The following EYS variants were observed in gnomAD, a reference collection of about 807,000 sequenced individuals.
EYS encodes the protein protein eyes shut homolog.
A neutral mutation model predicts 282.1 loss-of-function variants in EYS; 250 were observed. The observed-to-expected ratio is 0.89, with a 90% CI of 0.80 to 0.98. EYS has a LOEUF of 0.98. Among genes scored for constraint, EYS ranks in the 50% least tolerant of loss-of-function variants. The probability of loss-of-function intolerance (pLI) is 0.00; values close to 1 mark genes in which losing one functional copy is unlikely to be tolerated. For synonymous variants in EYS, 1,355 were observed against 1,282.9 expected, an observed-to-expected ratio of 1.06 and a Z score of -1.20; for missense variants, 4,016 against 3,709.0, an observed-to-expected ratio of 1.08 and a Z score of -2.15.
chr6:64,903,694 C>T (rs1179958776), intron 16 of EYS, among the ~76,000 whole-genome samples: 2 of 152,122 alleles, frequency 1.3e-5, no homozygotes, highest in Non-Finnish European at 2.9e-5. Flanking sequence ...AAAATTCCCT[C>T]GGTATTTTCT....
chr6:65,694,610 T>C (rs1260643002), intron 1 of EYS, among the ~76,000 whole-genome samples: 1 of 149,876 alleles, frequency 6.7e-6, no homozygotes, highest in Non-Finnish European at 1.5e-5. Context: ...CAGTGTACTT[T>C]CTGGGGTCAG....
intron 31 of EYS, among the ~76,000 whole-genome samples, chr6:64,083,278 C>T (rs564786461): frequency 7.2e-5 from 11 of 152,170 alleles, no homozygotes; most frequent in South Asian, 2.1e-4. Context: ...TTAGTATTTC[C>T]GATTATTTTT....
At chr6:64,261,010 CAT>C (rs1767570693) in intron 30 of EYS, among the ~76,000 whole-genome samples, 1 of 151,468 alleles carries the variant, frequency 6.6e-6, no homozygotes, top group East Asian at 2.0e-4. Flanking sequence ...CAGCACTTAT[CAT>C]TTTTTTGTGT....
chr6:63,992,410 A>T (rs1414781313), intron 34 of EYS, among the ~76,000 whole-genome samples: 1 of 151,788 alleles, frequency 6.6e-6, no homozygotes, highest in Non-Finnish European at 1.5e-5. Flanking sequence ...TTAGAAATTA[A>T]GGGCAAAAGT....
chr6:64,950,798 CATATAT>C (rs1171736217), intron 14 of EYS, among the ~76,000 whole-genome samples: 1,552 of 54,252 alleles, frequency 0.029, 73 homozygotes, highest in African/African-American at 0.11. Context: ...TATACATATA[CATATAT>C]ATATATATAT....
At chr6:64,332,720 C>T (rs563227601) in intron 29 of EYS, among the ~76,000 whole-genome samples, 21 of 152,296 alleles carry the variant, frequency 1.4e-4, no homozygotes, top group African/African-American at 4.6e-4. Context: ...ACAGCTGAAG[C>T]TTAAGGAAAC....
At chr6:65,452,039 C>G (rs1378859074) in intron 5 of EYS, among the ~76,000 whole-genome samples, 1 of 151,420 alleles carries the variant, frequency 6.6e-6, no homozygotes, top group Non-Finnish European at 1.5e-5. Flanking sequence ...TTTTAATATG[C>G]TTAAATGCAA....
In EYS at chr6:65,199,942, T is replaced by C. The variant is rs144736703; in HGVS notation, c.2023+95921A>G. On this transcript the variant is annotated intron_variant, in intron 12 of 42. Transcript: ENST00000503581. The stretch of plus-strand genomic sequence containing the variant: ...TACAGAGTTTACATTGAGGATAGTA[T>C]AAATCATGGATGAGTATAAACAGAT... Among the ~76,000 whole-genome samples the C allele has an allele frequency of 1.7e-3, 259 of 152,192 alleles. 1 individual carries two copies. Among genetic ancestry groups the C allele is most frequent in the African/African-American group, 5.9e-3 (244 of 41,548 alleles).
chr6:65,309,136 T>C (rs1769087905), intron 11 of EYS, among the ~76,000 whole-genome samples: 1 of 152,146 alleles, frequency 6.6e-6, no homozygotes, highest in South Asian at 2.1e-4. Context: ...CAGAATGTTA[T>C]GAGATAGCTG....
intron 33 of EYS, among the ~76,000 whole-genome samples, chr6:63,999,591 C>T (rs959791600): frequency 6.6e-6 from 1 of 152,148 alleles, no homozygotes; most frequent in Non-Finnish European, 1.5e-5. Flanking sequence ...GGTAGAATTT[C>T]CCCTCCCTGG....
rs1267666483 is a variant in EYS, at chr6:65,405,195, A to G, written c.1035T>C (p.Thr345=). 1.2e-6 allele frequency: 2 copies of G among 1,612,876 alleles called. No individual in the cohort carries two copies. Among genetic ancestry groups the G allele is most frequent in the East Asian group, 4.5e-5 (2 of 44,788 alleles). The change falls in exon 6 of 43, where the codon ACT becomes ACC. Residue 345 remains threonine, a synonymous_variant. Coordinates refer to ENST00000503581, the MANE Select transcript of EYS (RefSeq NM_001142800.2). ...TTACATTTGATATTTTGATGCAGTC[A>G]GTACCATTCTGACATGGTACTAATG... ...EFSLVPCQNG[T]DCIKISNDVM...
intron 35 of EYS, among the ~76,000 whole-genome samples, chr6:63,903,549 G>A (rs969494508): frequency 3.3e-5 from 5 of 152,076 alleles, no homozygotes; most frequent in African/African-American, 9.7e-5. Flanking sequence ...TATGTCAAAT[G>A]GAATACTCTT....
intron 12 of EYS, among the ~76,000 whole-genome samples, chr6:65,266,271 G>A (rs1173276920): frequency 6.6e-6 from 1 of 151,720 alleles, no homozygotes; most frequent in Non-Finnish European, 1.5e-5. Flanking sequence ...GTCAGCTAGG[G>A]GACCATACAG....
intron 12 of EYS, among the ~76,000 whole-genome samples, chr6:65,142,517 C>G (rs897907796): frequency 8.6e-5 from 13 of 150,482 alleles, no homozygotes; most frequent in African/African-American, 2.9e-4. Context: ...CACACACACA[C>G]ACAGAGTTCC....
chr6:65,500,701 C>A (rs886498146), intron 2 of EYS, among the ~76,000 whole-genome samples: 1 of 151,970 alleles, frequency 6.6e-6, no homozygotes, highest in Non-Finnish European at 1.5e-5. Flanking sequence ...ATTATAGTAT[C>A]CTTTTTGAAG....
chr6:65,583,436 C>G lies in EYS; in HGVS notation c.-333+56342G>C, dbSNP rs1052096093. Among the ~76,000 whole-genome samples, 3 of 151,922 alleles carry G rather than the reference C, an allele frequency of 2.0e-5. No individual in the cohort carries two copies. In the East Asian group the frequency reaches 5.8e-4, roughly 29 times the overall value. ...AAGTTTTCTTGTAGTGTTTTATACA[C>G]CTTAAGGATGCCAAAAGTAAAACAA... On this transcript the variant is annotated intron_variant, in intron 2 of 42. Coordinates refer to ENST00000503581, the MANE Select transcript of EYS (RefSeq NM_001142800.2).
Position 63,936,657 on chromosome 6 carries a change from T to C in EYS, c.7055+47726A>G, listed in dbSNP as rs116549200. On this transcript the variant is annotated intron_variant, in intron 35 of 42. Transcript: ENST00000503581. The stretch of plus-strand genomic sequence containing the variant: ...TTATTTGTTCTTCTGTTTATCCATC[T>C]AACTGGGAGCTTTTTATATGCCAGG... Among the ~76,000 whole-genome samples, 132 of 152,378 alleles carry C rather than the reference T, an allele frequency of 8.7e-4. 1 individual carries two copies. The highest frequency in any genetic ancestry group is 3.1e-3 in the African/African-American group (128 of 41,588).
At chr6:64,396,192 G>A (rs1228527776) in intron 28 of EYS, among the ~76,000 whole-genome samples, 1 of 152,076 alleles carries the variant, frequency 6.6e-6, no homozygotes, top group Non-Finnish European at 1.5e-5. Context: ...TATATAGTCA[G>A]ATACTTCACA....
chr6:64,501,459 C>CAT (rs958726253), intron 26 of EYS, among the ~76,000 whole-genome samples: 8 of 151,764 alleles, frequency 5.3e-5, no homozygotes, highest in Non-Finnish European at 1.0e-4. Context: ...TATACATACA[C>CAT]ATATATATGT....
Sources: gnomAD v4.1 joint callset for allele counts (sites outside exome capture counted in the v4.1 genomes callset) on GRCh38, gnomAD v4.1.1 for gene constraint, MANE v1.5 for transcripts, NCBI Gene and HGNC (gene_info 2026-07-23, HGNC 2026-07-21) for gene names.